The following SPECC1 variants were observed in gnomAD, a reference collection of about 807,000 sequenced individuals.
The protein encoded by SPECC1 is sperm antigen with calponin homology and coiled-coil domains 1.
In SPECC1, 62 loss-of-function variants were observed where a neutral mutation model predicts 104.1. The ratio of observed to expected loss-of-function variants is 0.60; its 90% CI spans 0.49 to 0.74. The LOEUF (loss-of-function observed/expected upper bound fraction) is 0.74, where lower values mean the gene tolerates loss of function less well. SPECC1 is among the 30% of genes least tolerant of loss of function. The probability of loss-of-function intolerance (pLI) is 0.00; values close to 1 mark genes in which losing one functional copy is unlikely to be tolerated. For synonymous variants in SPECC1, 513 were observed against 501.6 expected, an observed-to-expected ratio of 1.02 and a Z score of -0.30; for missense variants, 1,306 against 1,310.5, an observed-to-expected ratio of 1.00 and a Z score of 0.05.
chr17:20,297,175 G>C, intron 13 of SPECC1, 98 bp downstream of exon 13: 1 of 993,194 alleles, frequency 1.0e-6, no homozygotes, highest in Admixed American at 2.3e-5. Flanking sequence ...GCCTGAAGTA[G>C]AAGTTGGGAT....
chr17:20,259,986 T>G (rs779526941), intron 11 of SPECC1, among the ~76,000 whole-genome samples: 4 of 152,242 alleles, frequency 2.6e-5, no homozygotes, highest in Non-Finnish European at 4.4e-5. Flanking sequence ...TCCCCAAATT[T>G]ATGATAGTCA....
intron 3 of SPECC1, among the ~76,000 whole-genome samples, chr17:20,120,935 T>C (rs2048996665): frequency 6.6e-6 from 1 of 152,202 alleles, no homozygotes; most frequent in Non-Finnish European, 1.5e-5. Context: ...ACTTGCCATC[T>C]GTCATGGGTG....
At chr17:20,072,255 G>C (rs912552621) in intron 1 of SPECC1, among the ~76,000 whole-genome samples, 1 of 152,206 alleles carries the variant, frequency 6.6e-6, no homozygotes, top group East Asian at 1.9e-4. Flanking sequence ...TGGACCTCAT[G>C]GTCTAGAGCT....
chr17:20,231,666 A>T, intron 5 of SPECC1, 92 bp from the exon 6 acceptor site: 1 of 1,139,788 alleles, frequency 8.8e-7, no homozygotes, highest in Non-Finnish European at 1.3e-6. Context: ...CTGTTGTGGC[A>T]TCTGGAGCTG....
chr17:20,199,049 G>A (rs2036224579), intron 3 of SPECC1, among the ~76,000 whole-genome samples: 1 of 143,838 alleles, frequency 7.0e-6, no homozygotes, highest in Non-Finnish European at 1.5e-5. Flanking sequence ...GGCTACATAT[G>A]TGGTAATGGA....
chr17:20,062,253 CAA>C (rs549906384), intron 1 of SPECC1, among the ~76,000 whole-genome samples: 132 of 75,936 alleles, frequency 1.7e-3, no homozygotes, highest in Admixed American at 1.6e-3. Flanking sequence ...ACTCTGTCGT[CAA>C]AAAAAAAAAA....
chr17:20,062,692 A>T (rs1567819625), intron 1 of SPECC1, among the ~76,000 whole-genome samples: 1 of 143,062 alleles, frequency 7.0e-6, no homozygotes, highest in Admixed American at 7.0e-5. Context: ...CAAGAAATAC[A>T]TTTTTTTTTT....
chr17:20,211,305 G>A (rs1234030368), intron 4 of SPECC1, among the ~76,000 whole-genome samples: 1 of 152,242 alleles, frequency 6.6e-6, no homozygotes, highest in African/African-American at 2.4e-5. Context: ...GCAGAGGCCT[G>A]TGGCTTCATG....
rs1342977466 is a variant in SPECC1, at chr17:20,107,374, C to T, written c.148-3053C>T. On this transcript the variant is annotated intron_variant, in intron 2 of 14. Transcript: ENST00000395527. ...ACCGATAATACCAGCATTTGGGAGG[C>T]TGAGGTGGAGGATTGCTTGAGGCCA... is the stretch of plus-strand genomic sequence containing the variant. Among the ~76,000 whole-genome samples, 3 of 150,858 alleles carry T rather than the reference C, an allele frequency of 2.0e-5. No individual in the cohort carries two copies. In the East Asian group the frequency reaches 5.9e-4, roughly 30 times the overall value.
chr17:20,249,499 A>G (rs1368174901), intron 9 of SPECC1, among the ~76,000 whole-genome samples: 1 of 152,224 alleles, frequency 6.6e-6, no homozygotes, highest in Non-Finnish European at 1.5e-5. Context: ...AAAAATAGAC[A>G]ATAGAAACAG....
intron 1 of SPECC1, among the ~76,000 whole-genome samples, chr17:20,059,316 G>A (rs563961437): frequency 7.6e-4 from 115 of 152,176 alleles, no homozygotes; most frequent in Admixed American, 2.6e-3. Context: ...CTCATAAAGA[G>A]CGGAAAACCT....
chr17:20,106,726 A>C (rs2048216185), intron 2 of SPECC1, among the ~76,000 whole-genome samples: 1 of 152,162 alleles, frequency 6.6e-6, no homozygotes. Context: ...AGGCCTCCCT[A>C]GCCATGTGGA....
At position 20,039,448 on chromosome 17, in the gene SPECC1, GT is replaced by G. The variant is rs200361056; in HGVS notation, c.-22+30025del. 4.5e-3 allele frequency among the ~76,000 whole-genome samples: 689 copies of G among 152,188 alleles called. 5 individuals carry two copies. Among genetic ancestry groups the G allele is most frequent in the African/African-American group, 0.016 (662 of 41,520 alleles). On this transcript the variant is annotated intron_variant, in intron 1 of 14. Coordinates refer to ENST00000395527, the MANE Select transcript of SPECC1 (RefSeq NM_001243439.2). ...CTCTTGAAATTTTCTTTTCTCTGAAGTCTATTTTATGTTATTAATATAGCCA... is the reference window on the plus strand; with the variant it reads ...CTCTTGAAATTTTCTTTTCTCTGAAGCTATTTTATGTTATTAATATAGCCA...
At chr17:20,107,769 G>T (rs999579743) in intron 2 of SPECC1, among the ~76,000 whole-genome samples, 1 of 152,068 alleles carries the variant, frequency 6.6e-6, no homozygotes, top group Non-Finnish European at 1.5e-5. Flanking sequence ...CAGGTGATCT[G>T]CCCGTTTTGG....
chr17:20,300,711 G>A (rs774399793), intron 13 of SPECC1, among the ~76,000 whole-genome samples: 13 of 152,236 alleles, frequency 8.5e-5, no homozygotes, highest in Non-Finnish European at 1.9e-4. Context: ...CAGGCCTCCC[G>A]CAGCCGTGGC....
At chr17:20,074,933 G>A (rs1369064536) in intron 1 of SPECC1, among the ~76,000 whole-genome samples, 1 of 151,772 alleles carries the variant, frequency 6.6e-6, no homozygotes, top group African/African-American at 2.4e-5. Context: ...ACAGAGCCTT[G>A]CTGTTGTCAC....
At chr17:20,089,398 G>A (rs1254964624) in intron 1 of SPECC1, among the ~76,000 whole-genome samples, 1 of 152,070 alleles carries the variant, frequency 6.6e-6, no homozygotes, top group African/African-American at 2.4e-5. Flanking sequence ...GGCTTGACGC[G>A]GGAGGATCAC....
At chr17:20,092,549 G>A (rs914608331) in intron 1 of SPECC1, among the ~76,000 whole-genome samples, 2 of 152,162 alleles carry the variant, frequency 1.3e-5, no homozygotes, top group South Asian at 2.1e-4. Flanking sequence ...AGTCTTCTCT[G>A]TGTAGAAGAG....
intron 3 of SPECC1, among the ~76,000 whole-genome samples, chr17:20,197,594 A>G (rs1456369352): frequency 2.0e-5 from 3 of 152,204 alleles, no homozygotes; most frequent in African/African-American, 4.8e-5. Context: ...AGATCTAACT[A>G]TGACATGAAC....
Sources: allele counts gnomAD v4.1 joint callset (sites outside exome capture counted in the v4.1 genomes callset), GRCh38; gene constraint gnomAD v4.1.1; transcripts MANE v1.5; gene names NCBI Gene and HGNC (gene_info 2026-07-23, HGNC 2026-07-21).